LRCH2: variants seen among roughly 807,000 people sequenced by gnomAD.
The protein encoded by LRCH2 is leucine rich repeats and calponin homology domain containing 2.
Under a neutral mutation model 68.9 loss-of-function variants are expected in LRCH2, and 38 were observed. That is an observed-to-expected ratio of 0.55 (90% CI 0.43 to 0.72). The LOEUF (loss-of-function observed/expected upper bound fraction) is 0.72. Among genes scored for constraint, LRCH2 ranks in the 30% least tolerant of loss-of-function variants. LRCH2 has a pLI of 0.00. For synonymous variants in LRCH2, 191 were observed against 208.1 expected (o/e 0.92, Z 0.71); for missense variants, 528 against 572.9 (o/e 0.92, Z 0.80).
At chrX:115,226,915 G>A (rs916533959) in intron 1 of LRCH2, among the ~76,000 whole-genome samples, 1 of 111,050 alleles carries the variant, frequency 9.0e-6, no homozygotes, top group Non-Finnish European at 1.9e-5. Context: ...CTGTTCAAAC[G>A]ACCAAATCAA....
intron 14 of LRCH2, among the ~76,000 whole-genome samples, chrX:115,147,933 T>C (rs377513405): frequency 1.8e-5 from 2 of 111,087 alleles, no homozygotes; most frequent in Admixed American, 9.6e-5. Flanking sequence ...ATACCTGTAG[T>C]TCTAGCTACT....
intron 7 of LRCH2, 90 bp downstream of exon 7, chrX:115,166,165 C>A: frequency 1.4e-6 from 1 of 718,597 alleles, no homozygotes; most frequent in East Asian, 3.6e-5. Context: ...TATTTTCAAG[C>A]AAAATAAACT....
At chrX:115,128,628 A>G (rs2072218531) in intron 15 of LRCH2, among the ~76,000 whole-genome samples, 2 of 112,295 alleles carry the variant, frequency 1.8e-5, no homozygotes, top group African/African-American at 6.5e-5. Flanking sequence ...GAGCTACTAT[A>G]CTCAAACACT....
At chrX:115,201,478 T>TA (rs782650705) in intron 1 of LRCH2, among the ~76,000 whole-genome samples, 30 of 110,908 alleles carry the variant, frequency 2.7e-4, no homozygotes, top group East Asian at 2.3e-3. Flanking sequence ...CCCTTCATGG[T>TA]AAAAAAACCC....
Position 115,165,400 on chromosome X carries a change from C to T in LRCH2, c.1355+5G>A. 3 of 1,109,616 alleles carry T rather than the reference C, an allele frequency of 2.7e-6. No homozygotes were observed. Among genetic ancestry groups the T allele is most frequent in the Non-Finnish European group, 3.6e-6 (3 of 827,046 alleles). The allele number at this position is 1,109,616 out of a possible 1,213,427, so 91.4% of individuals were successfully genotyped here. A position where few individuals can be genotyped will look rare whatever the true frequency, so the allele number is the denominator to read the frequency against. On this transcript the variant is annotated splice_donor_5th_base_variant and intron_variant, in intron 10 of 20. Transcript: ENST00000317135. ...AAATAACATTTCATTTTCATATGTG[C>T]TTACCTTTTTTCATCTCCTAATTCT...
intron 1 of LRCH2, among the ~76,000 whole-genome samples, chrX:115,220,455 G>A (rs1052974787): frequency 8.9e-5 from 10 of 111,982 alleles, no homozygotes; most frequent in African/African-American, 3.2e-4. Context: ...GCTGTTGTGA[G>A]TGCCTTTAAG....
chrX:115,163,037 T>G (rs1198063023), intron 11 of LRCH2, among the ~76,000 whole-genome samples: 10 of 111,529 alleles, frequency 9.0e-5, no homozygotes, highest in African/African-American at 3.3e-4. Context: ...CACAGTACCC[T>G]TCTCATTGCC....
At chrX:115,162,072 AC>A (rs782370483) in intron 11 of LRCH2, among the ~76,000 whole-genome samples, 131 of 108,086 alleles carry the variant, frequency 1.2e-3, no homozygotes, top group African/African-American at 4.2e-3. Context: ...GGTGCACACC[AC>A]CATGCCCGGC....
chrX:115,192,593 G>GA, intron 1 of LRCH2: 3 of 1,171,656 alleles, frequency 2.6e-6, no homozygotes, highest in Non-Finnish European at 3.4e-6. Context: ...CCCAGGGGCG[G>GA]AGGCCGTCAA....
At chrX:115,231,287 T>C (rs1475985311) in intron 1 of LRCH2, among the ~76,000 whole-genome samples, 1 of 111,693 alleles carries the variant, frequency 9.0e-6, no homozygotes, top group Non-Finnish European at 1.9e-5. Context: ...AAATAGAGAA[T>C]ATACTGTATG....
intron 2 of LRCH2, among the ~76,000 whole-genome samples, chrX:115,187,004 G>C (rs2072737336): frequency 1.8e-5 from 2 of 110,553 alleles, no homozygotes; most frequent in South Asian, 7.8e-4. Context: ...AATTTTAGTA[G>C]AGACAGGGTT....
rs1159479033 is a variant in LRCH2, at chrX:115,113,092, T to C, written c.*124A>G. ...GTTTGATGTTTCAATGTAATTTTTT[T>C]AAAATCCTAAGGCGTGACCTAAGGC... On this transcript the variant is annotated 3_prime_UTR_variant, in exon 21 of 21. Transcript: ENST00000317135. The C allele has an allele frequency of 1.6e-6, 1 of 606,128 alleles. No individual in the cohort carries two copies. Among genetic ancestry groups the C allele is most frequent in the African/African-American group, 2.3e-5 (1 of 42,567 alleles). 50.0% of individuals were successfully genotyped at this position (606,128 alleles called of 1,213,427 possible). A position where few individuals can be genotyped will look rare whatever the true frequency, so the allele number is the denominator to read the frequency against.
intron 14 of LRCH2, among the ~76,000 whole-genome samples, chrX:115,134,227 G>T (rs1366190271): frequency 8.9e-6 from 1 of 112,287 alleles, no homozygotes; most frequent in Non-Finnish European, 1.9e-5. Flanking sequence ...TGTAGAGGTT[G>T]GTTGGTTCAT....
At chrX:115,186,660 C>A (rs1413023785) in intron 2 of LRCH2, among the ~76,000 whole-genome samples, 4 of 110,585 alleles carry the variant, frequency 3.6e-5, no homozygotes, top group Non-Finnish European at 7.6e-5. Flanking sequence ...ACTTTTTCCG[C>A]AAAAGAACAA....
chrX:115,159,728 A>G (rs192531819), intron 11 of LRCH2, among the ~76,000 whole-genome samples: 230 of 97,604 alleles, frequency 2.4e-3, no homozygotes, highest in African/African-American at 7.9e-3. Context: ...TCCAGCCTGG[A>G]CGACAGAGTG....
chrX:115,186,801 A>G, intron 2 of LRCH2, among the ~76,000 whole-genome samples: 3 of 102,161 alleles, frequency 2.9e-5, no homozygotes, highest in African/African-American at 3.5e-5. Context: ...TTGGAAGGAA[A>G]CTTCCCTCAC....
intron 2 of LRCH2, among the ~76,000 whole-genome samples, chrX:115,187,466 G>A (rs782128760): frequency 8.9e-6 from 1 of 112,016 alleles, no homozygotes; most frequent in African/African-American, 3.2e-5. Flanking sequence ...TAGGGTAAAA[G>A]CTATGTATGA....
intron 12 of LRCH2, among the ~76,000 whole-genome samples, chrX:115,151,312 C>T (rs1337439363): frequency 3.6e-5 from 4 of 110,422 alleles, no homozygotes; most frequent in Non-Finnish European, 7.6e-5. Context: ...CATTTAAGAT[C>T]ATTGTGAAAG....
intron 1 of LRCH2, among the ~76,000 whole-genome samples, chrX:115,229,977 T>A (rs1385097641): frequency 8.9e-6 from 1 of 112,055 alleles, no homozygotes; most frequent in Admixed American, 9.5e-5. Context: ...CTCATGTACA[T>A]AAACAGGTAT....
Sources: gnomAD v4.1 joint callset for allele counts (sites outside exome capture counted in the v4.1 genomes callset) on GRCh38, gnomAD v4.1.1 for gene constraint, MANE v1.5 for transcripts, NCBI Gene and HGNC (gene_info 2026-07-23, HGNC 2026-07-21) for gene names.